DYSF: variants seen among roughly 807,000 people sequenced by gnomAD.
The protein encoded by DYSF is dystrophy-associated fer-1-like 1.
Under a neutral mutation model 274.9 loss-of-function variants are expected in DYSF, and 212 were observed. That is an observed-to-expected ratio of 0.77 (90% confidence interval 0.69 to 0.86). The LOEUF (loss-of-function observed/expected upper bound fraction) is 0.86. DYSF is among the 40% of genes least tolerant of loss of function. The pLI, the probability that DYSF is intolerant of heterozygous loss-of-function variation, is 0.00. For synonymous variants in DYSF, 1,091 were observed against 1,078.7 expected, an observed-to-expected ratio of 1.01 and a Z score of -0.22; for missense variants, 2,666 against 2,783.2, an observed-to-expected ratio of 0.96 and a Z score of 0.95.
Position 71,526,080 on chromosome 2 carries a change from C to T in DYSF, c.1150-140C>T, listed in dbSNP as rs181502076. 132 of 1,473,008 alleles carry T rather than the reference C, an allele frequency of 9.0e-5. No individual in the cohort carries two copies. In the African/African-American group the frequency reaches 1.6e-3, roughly 17 times the overall value. 91.2% of individuals were successfully genotyped at this position (1,473,008 alleles called of 1,614,324 possible). A position where few individuals can be genotyped will look rare whatever the true frequency, so the allele number is the denominator to read the frequency against. On this transcript the variant is annotated intron_variant, in intron 12 of 55. Transcript: ENST00000410020. Reference sequence around the variant, plus strand: ...AGGTGAAGGACCTTGCCCGAGACCACGCGGTAGTAAGTGTCGGAGCGCAGT... The same window carrying T: ...AGGTGAAGGACCTTGCCCGAGACCATGCGGTAGTAAGTGTCGGAGCGCAGT...
chr2:71,601,278 A>G, intron 34 of DYSF: 1 of 650,274 alleles, frequency 1.5e-6, no homozygotes. Context: ...TCTTAGTATG[A>G]TGTGAACCCG....
intron 55 of DYSF, among the ~76,000 whole-genome samples, chr2:71,683,001 CA>C (rs2095314724): frequency 6.6e-6 from 1 of 152,080 alleles, no homozygotes; most frequent in Non-Finnish European, 1.5e-5. Flanking sequence ...TTGCGGTGGG[CA>C]GGGGGACTTT....
chr2:71,562,571 C>T (rs951469781), intron 23 of DYSF, among the ~76,000 whole-genome samples: 35 of 152,178 alleles, frequency 2.3e-4, no homozygotes, highest in Non-Finnish European at 4.8e-4. Context: ...CGGTATTTGT[C>T]TGGAATGAGA....
chr2:71,681,227 G>C, intron 54 of DYSF, 117 bp downstream of exon 54: 5 of 913,600 alleles, frequency 5.5e-6, no homozygotes, highest in Non-Finnish European at 8.7e-6. Flanking sequence ...GGCTCAGAGA[G>C]GGGCACGACT....
intron 51 of DYSF, among the ~76,000 whole-genome samples, chr2:71,672,955 C>T (rs2095156021): frequency 6.6e-6 from 1 of 152,224 alleles, no homozygotes; most frequent in Non-Finnish European, 1.5e-5. Flanking sequence ...CCTCACGGGG[C>T]AGGGGTCATG....
intron 4 of DYSF, among the ~76,000 whole-genome samples, chr2:71,510,183 T>C (rs566617246): frequency 1.3e-5 from 2 of 152,322 alleles, no homozygotes; most frequent in East Asian, 3.9e-4. Flanking sequence ...GCCCTGGAAG[T>C]AGTTATTTCT....
At chr2:71,501,607 C>T (rs1161434796) in intron 3 of DYSF, among the ~76,000 whole-genome samples, 2 of 152,182 alleles carry the variant, frequency 1.3e-5, no homozygotes, top group East Asian at 3.9e-4. Context: ...TTGTATCAGC[C>T]ACCATTCTAC....
At chr2:71,520,120 C>A in intron 10 of DYSF, 58 bp from the exon 11 acceptor site, 1 of 1,608,270 alleles carries the variant, frequency 6.2e-7, no homozygotes. Flanking sequence ...ATGCACCACA[C>A]TTTATTTAAC....
intron 10 of DYSF, among the ~76,000 whole-genome samples, chr2:71,518,228 T>C (rs2152738704): frequency 6.6e-6 from 1 of 152,142 alleles, no homozygotes; most frequent in East Asian, 1.9e-4. Context: ...TAACTAGTAA[T>C]TGCACAGACT....
chr2:71,455,521 A>T (rs753327355), intron 1 of DYSF, among the ~76,000 whole-genome samples: 1 of 152,138 alleles, frequency 6.6e-6, no homozygotes, highest in African/African-American at 2.4e-5. Flanking sequence ...AGGACATGGG[A>T]GTCTTTCATG....
At chr2:71,616,324 C>A (rs2093883235) in intron 40 of DYSF, among the ~76,000 whole-genome samples, 1 of 152,014 alleles carries the variant, frequency 6.6e-6, no homozygotes, top group Non-Finnish European at 1.5e-5. Flanking sequence ...GGTGCCTGGC[C>A]TGTTTAAACT....
At position 71,478,270 on chromosome 2, in the gene DYSF, G is replaced by GGC. The variant is rs1280994547; in HGVS notation, c.92-2612_92-2611insCG. On this transcript the variant is annotated intron_variant, in intron 1 of 55. Transcript: ENST00000410020. The stretch of plus-strand genomic sequence containing the variant: ...TCTGTCGCCCAGGCTGGAGTGCAGT[G>GGC]GTGCCATCTCGGCTCACTGCAAGCC... Among the ~76,000 whole-genome samples, 69 of 149,912 alleles carry GGC rather than the reference G, an allele frequency of 4.6e-4. No individual in the cohort carries two copies. The Middle Eastern group carries it at 0.01, about 23-fold the overall frequency.
intron 4 of DYSF, among the ~76,000 whole-genome samples, chr2:71,506,811 A>G (rs9309457): frequency 0.77 from 116,437 of 151,766 alleles, 45,294 homozygotes; most frequent in Middle Eastern, 0.83. Context: ...CCTGGGGCCC[A>G]CCTCCTAGTG....
rs367854529 is a variant in DYSF at position 71,615,534 on chromosome 2, AAG to A, written c.4464+2125_4464+2126del. Among the ~76,000 whole-genome samples the A allele has an allele frequency of 7.2e-4, 109 of 152,248 alleles. 1 individual carries two copies. In the East Asian group the frequency reaches 0.012, roughly 17 times the overall value. ...TGCAGGGAGCCCTGGCCCTCTGGGG[AAG>A]CCCCTTTTCTGGTATCTGACTTTGT... On this transcript the variant is annotated intron_variant, in intron 40 of 55. Coordinates refer to ENST00000410020, the MANE Select transcript of DYSF (RefSeq NM_001130987.2). This position sits in a 1 kb window ranked among gnomAD's most constrained non-coding sequence, Gnocchi z 4.9.
intron 14 of DYSF, among the ~76,000 whole-genome samples, chr2:71,534,057 T>C (rs1325073658): frequency 6.6e-6 from 1 of 152,034 alleles, no homozygotes; most frequent in Non-Finnish European, 1.5e-5. Flanking sequence ...TGTCTGGGGC[T>C]CTTTTTACAG....
chr2:71,562,705 C>T lies in DYSF; in HGVS notation c.2409+761C>T, dbSNP rs138013318. On this transcript the variant is annotated intron_variant, in intron 23 of 55. Coordinates refer to ENST00000410020, the MANE Select transcript of DYSF (RefSeq NM_001130987.2). Reference sequence around the variant, plus strand: ...TGTGAGAAGGGCAGGGCCAGGAGAGCGGTTGCTGGAGGAAGCTGTGGAAGG... The same window carrying T: ...TGTGAGAAGGGCAGGGCCAGGAGAGTGGTTGCTGGAGGAAGCTGTGGAAGG... Among the ~76,000 whole-genome samples the T allele has an allele frequency of 1.4e-3, 220 of 152,214 alleles. 1 individual carries two copies. Among genetic ancestry groups the T allele is most frequent in the African/African-American group, 4.5e-3 (187 of 41,524 alleles).
chr2:71,676,186 A>G (rs2095219106), intron 52 of DYSF, among the ~76,000 whole-genome samples: 2 of 152,130 alleles, frequency 1.3e-5, no homozygotes, highest in African/African-American at 4.8e-5. Flanking sequence ...AGAAGTAGAT[A>G]TGTCTTTGTA....
chr2:71,493,690 C>T (rs544351636), intron 3 of DYSF, among the ~76,000 whole-genome samples: 1 of 151,530 alleles, frequency 6.6e-6, no homozygotes, highest in African/African-American at 2.4e-5. Flanking sequence ...CGTCACTACT[C>T]AAAATACAAA....
intron 22 of DYSF, among the ~76,000 whole-genome samples, chr2:71,559,558 T>C (rs1243681894): frequency 6.6e-6 from 1 of 152,184 alleles, no homozygotes; most frequent in Non-Finnish European, 1.5e-5. Flanking sequence ...CACGGAGCCC[T>C]AACGCTTCTG....
Sources: gnomAD v4.1 joint callset for allele counts (sites outside exome capture counted in the v4.1 genomes callset) on GRCh38, gnomAD v4.1.1 for gene constraint, Gnocchi (gnomAD v3.1) non-coding constraint, MANE v1.5 for transcripts, NCBI Gene and HGNC (gene_info 2026-07-23, HGNC 2026-07-21) for gene names.